Variants in GLIS3 observed in about 807,000 individuals in gnomAD.
GLIS3 encodes the protein GLIS family zinc finger 3, also known as zinc finger protein GLIS3.
In GLIS3, 53 loss-of-function variants were observed where a neutral mutation model predicts 78.6. The observed-to-expected ratio is 0.67, with a 90% CI of 0.54 to 0.85. The LOEUF is 0.85. GLIS3 is among the 40% of genes least tolerant of loss of function. The pLI is 0.00. For synonymous variants in GLIS3, 684 were observed against 509.9 expected (o/e 1.34, Z -4.60); for missense variants, 1,703 against 1,231.1 (o/e 1.38, Z -5.74).
intron 8 of GLIS3, among the ~76,000 whole-genome samples, chr9:3,860,160 A>G (rs1445054211): frequency 6.6e-6 from 1 of 151,672 alleles, no homozygotes; most frequent in Non-Finnish European, 1.5e-5. Flanking sequence ...CTGTAGTCAC[A>G]GCTACTCAGG....
intron 2 of GLIS3, among the ~76,000 whole-genome samples, chr9:4,343,689 T>A (rs1311221262): frequency 1.3e-5 from 2 of 152,220 alleles, no homozygotes; most frequent in South Asian, 4.2e-4. Flanking sequence ...GTGGACCGGA[T>A]AAAGAAAATG....
chr9:4,449,240 C>T, the GLIS3 span, among the ~76,000 whole-genome samples: 2 of 152,314 alleles, frequency 1.3e-5, no homozygotes, highest in Non-Finnish European at 2.9e-5. Flanking sequence ...CTGACATCAA[C>T]CTGCGAATCA....
the GLIS3 span, among the ~76,000 whole-genome samples, chr9:4,389,801 C>A: frequency 7.9e-5 from 12 of 152,268 alleles, no homozygotes; most frequent in East Asian, 2.3e-3. Flanking sequence ...CAGTTCAGAT[C>A]AATTCAACAA....
At chr9:4,273,875 T>C (rs1230781587) in intron 2 of GLIS3, among the ~76,000 whole-genome samples, 1 of 152,166 alleles carries the variant, frequency 6.6e-6, no homozygotes, top group Non-Finnish European at 1.5e-5. Context: ...AAAAACCTGG[T>C]TTTTGGCCTT....
chr9:4,321,997 T>C (rs920652418), intron 2 of GLIS3, among the ~76,000 whole-genome samples: 1 of 152,082 alleles, frequency 6.6e-6, no homozygotes, highest in Non-Finnish European at 1.5e-5. Context: ...TCATTCACAT[T>C]AGGTATTTCT....
chr9:4,342,157 C>A (rs915006426), intron 2 of GLIS3, among the ~76,000 whole-genome samples: 15 of 152,224 alleles, frequency 9.9e-5, no homozygotes, highest in African/African-American at 3.6e-4. Flanking sequence ...GTCATGAAAT[C>A]TTTTGTCAAG....
chr9:3,951,589 A>G (rs1371906975), intron 4 of GLIS3, among the ~76,000 whole-genome samples: 2 of 151,890 alleles, frequency 1.3e-5, no homozygotes, highest in African/African-American at 4.8e-5. Context: ...TAAAAAATAT[A>G]TTTATAAGAA....
chr9:4,036,881 A>G (rs990438954), intron 4 of GLIS3, among the ~76,000 whole-genome samples: 1 of 152,182 alleles, frequency 6.6e-6, no homozygotes, highest in Non-Finnish European at 1.5e-5. Context: ...GCTGATCTCC[A>G]GGAGAAATAA....
chr9:4,206,758 C>G (rs988938640), intron 2 of GLIS3, among the ~76,000 whole-genome samples: 1 of 152,130 alleles, frequency 6.6e-6, no homozygotes, highest in African/African-American at 2.4e-5. Flanking sequence ...TTTGATAGAT[C>G]GAAACTCTGC....
the GLIS3 span, among the ~76,000 whole-genome samples, chr9:4,405,177 A>G: frequency 2.0e-5 from 3 of 152,060 alleles, no homozygotes; most frequent in East Asian, 5.8e-4. Context: ...CAACATGGAG[A>G]AATCCCATCT....
chr9:4,006,446 A>C (rs1278133219), intron 4 of GLIS3, among the ~76,000 whole-genome samples: 8 of 152,214 alleles, frequency 5.3e-5, no homozygotes, highest in South Asian at 2.1e-4. Context: ...AAAACATGCC[A>C]TTATTTAATT....
chr9:4,173,731 G>C (rs1242449760), intron 2 of GLIS3, among the ~76,000 whole-genome samples: 1 of 152,014 alleles, frequency 6.6e-6, no homozygotes, highest in Non-Finnish European at 1.5e-5. Context: ...GGAGTAGCTG[G>C]AACTACAGGC....
intron 4 of GLIS3, among the ~76,000 whole-genome samples, chr9:3,956,693 T>G (rs1817134358): frequency 6.6e-6 from 1 of 152,030 alleles, no homozygotes; most frequent in African/African-American, 2.4e-5. Flanking sequence ...ATTTTTTTCC[T>G]CCTTTCATTA....
intron 4 of GLIS3, among the ~76,000 whole-genome samples, chr9:4,061,320 G>GT (rs201563345): frequency 0.017 from 2,595 of 150,480 alleles, 41 homozygotes; most frequent in Non-Finnish European, 0.028. Context: ...GCGGTGTTTG[G>GT]TTTTTTGTCC....
intron 3 of GLIS3, 104 bp downstream of exon 3, chr9:4,125,630 A>ATAAGTG: frequency 3.3e-6 from 2 of 610,472 alleles, no homozygotes; most frequent in Non-Finnish European, 5.4e-6. Flanking sequence ...GTGTAAGTGT[A>ATAAGTG]TGAGTGTGTG....
intron 2 of GLIS3, among the ~76,000 whole-genome samples, chr9:4,132,323 A>T (rs1160805472): frequency 6.6e-6 from 1 of 152,228 alleles, no homozygotes; most frequent in Admixed American, 6.5e-5. Flanking sequence ...TTGCATTTTC[A>T]AATTTCTGAA....
chr9:3,942,310 G>A (rs912648490), intron 4 of GLIS3, among the ~76,000 whole-genome samples: 1 of 152,124 alleles, frequency 6.6e-6, no homozygotes, highest in Non-Finnish European at 1.5e-5. Context: ...CATCAATTAA[G>A]ACCAATTAAT....
chr9:4,033,863 A>AT (rs1491247956), intron 4 of GLIS3, among the ~76,000 whole-genome samples: 11 of 72,798 alleles, frequency 1.5e-4, no homozygotes, highest in South Asian at 4.9e-4. Context: ...TAGGCGAAGG[A>AT]TAAAAAAAAA....
chr9:4,448,187 T>C, the GLIS3 span, among the ~76,000 whole-genome samples: 1 of 152,266 alleles, frequency 6.6e-6, no homozygotes, highest in Non-Finnish European at 1.5e-5. Flanking sequence ...ACAATCTCCT[T>C]AGCTGCAGAT....
Sources: gnomAD v4.1 joint callset for allele counts (sites outside exome capture counted in the v4.1 genomes callset) on GRCh38, gnomAD v4.1.1 for gene constraint, MANE v1.5 for transcripts, NCBI Gene and HGNC (gene_info 2026-07-23, HGNC 2026-07-21) for gene names.